DCC: variants seen among roughly 807,000 people sequenced by gnomAD.
The protein encoded by DCC is netrin receptor DCC.
DCC carries 58 observed loss-of-function variants against 172.5 expected under a neutral mutation model. The ratio of observed to expected loss-of-function variants is 0.34; its 90% CI spans 0.27 to 0.42. The LOEUF is 0.42. DCC is among the 10% of genes least tolerant of loss of function. The pLI is 1.00. For missense variants in DCC, 1,740 were observed against 1,791.0 expected, an observed-to-expected ratio of 0.97 and a Z score of 0.51; for synonymous variants, 709 against 644.5, an observed-to-expected ratio of 1.10 and a Z score of -1.52.
At chr18:53,262,874 T>C (rs1355888769) in intron 12 of DCC, among the ~76,000 whole-genome samples, 1 of 152,192 alleles carries the variant, frequency 6.6e-6, no homozygotes, top group Non-Finnish European at 1.5e-5. Context: ...TTTCATGATA[T>C]TTTCAGGAAA....
At chr18:53,078,945 C>T (rs1009305708) in intron 7 of DCC, among the ~76,000 whole-genome samples, 1 of 152,054 alleles carries the variant, frequency 6.6e-6, no homozygotes, top group Non-Finnish European at 1.5e-5. Flanking sequence ...TTCTTCAGGT[C>T]CAGTTCCTAT....
intron 1 of DCC, among the ~76,000 whole-genome samples, chr18:52,684,712 C>T (rs1290933544): frequency 6.6e-6 from 1 of 150,446 alleles, no homozygotes; most frequent in East Asian, 2.0e-4. Flanking sequence ...GCTGGACTGG[C>T]CTTTTACATA....
At chr18:52,820,294 C>T (rs139142382) in intron 2 of DCC, among the ~76,000 whole-genome samples, 1 of 152,106 alleles carries the variant, frequency 6.6e-6, no homozygotes, top group African/African-American at 2.4e-5. Flanking sequence ...GATGATTTTC[C>T]TCAAAAAGAA....
chr18:53,526,237 A>C (rs2046453674), intron 27 of DCC, among the ~76,000 whole-genome samples: 1 of 152,134 alleles, frequency 6.6e-6, no homozygotes, highest in Admixed American at 6.6e-5. Context: ...CTGCTATGCA[A>C]CTTAGGGCTC....
chr18:53,341,599 T>C (rs551875420), intron 15 of DCC, among the ~76,000 whole-genome samples: 30 of 152,326 alleles, frequency 2.0e-4, no homozygotes, highest in African/African-American at 7.2e-4. Context: ...GTTCTACTAG[T>C]TGATACTCTT....
chr18:53,013,045 GGC>G (rs2041753510), intron 5 of DCC, among the ~76,000 whole-genome samples: 2 of 152,122 alleles, frequency 1.3e-5, no homozygotes, highest in African/African-American at 4.8e-5. Flanking sequence ...CCGTTAGAAT[GGC>G]AATCATTAAA....
At chr18:53,348,369 T>C (rs904969600) in intron 15 of DCC, among the ~76,000 whole-genome samples, 4 of 152,206 alleles carry the variant, frequency 2.6e-5, no homozygotes, top group Non-Finnish European at 4.4e-5. Flanking sequence ...ATGCAAGACG[T>C]GGGTTCCCAT....
chr18:52,624,221 C>A (rs2034531003), intron 1 of DCC, among the ~76,000 whole-genome samples: 1 of 152,088 alleles, frequency 6.6e-6, no homozygotes, highest in Admixed American at 6.5e-5. Context: ...AGGCTTGCAT[C>A]CTATAATTAA....
chr18:52,838,980 T>C (rs1230997179), intron 2 of DCC, among the ~76,000 whole-genome samples: 2 of 152,164 alleles, frequency 1.3e-5, no homozygotes, highest in Admixed American at 1.3e-4. Context: ...ATCAATGTTA[T>C]TTTTATTTAG....
intron 1 of DCC, among the ~76,000 whole-genome samples, chr18:52,657,959 T>G (rs539973181): frequency 6.6e-6 from 1 of 152,332 alleles, no homozygotes; most frequent in Non-Finnish European, 1.5e-5. Flanking sequence ...TATCATCTCA[T>G]AATTCTACAC....
intron 22 of DCC, among the ~76,000 whole-genome samples, chr18:53,444,866 T>A (rs1484985460): frequency 6.6e-6 from 1 of 152,138 alleles, no homozygotes; most frequent in Non-Finnish European, 1.5e-5. Context: ...AACATCTACC[T>A]TTTTTTAGTA....
intron 24 of DCC, among the ~76,000 whole-genome samples, chr18:53,461,884 G>C (rs1002154328): frequency 6.6e-6 from 1 of 152,182 alleles, no homozygotes; most frequent in Non-Finnish European, 1.5e-5. Context: ...TCTAGGGACT[G>C]GGGGTCAGAA....
At chr18:53,300,994 T>TC (rs1450145755) in intron 12 of DCC, among the ~76,000 whole-genome samples, 1 of 134,610 alleles carries the variant, frequency 7.4e-6, no homozygotes, top group Non-Finnish European at 1.6e-5. Flanking sequence ...TCTTTCTTTT[T>TC]TTTTCTTTTC....
rs1167426813 is a variant in DCC, at chr18:52,655,990, ATATATATGTGCG to A, written c.92-96056_92-96045del. ...TGTGTGTGTGTGTGTGTGTGTGTAT[ATATATATGTGCG>A]TATATATATATGTGTGTATATATAT... On this transcript the variant is annotated intron_variant, in intron 1 of 28. Coordinates refer to ENST00000442544, the MANE Select transcript of DCC (RefSeq NM_005215.4). Among the ~76,000 whole-genome samples, 75 of 145,250 alleles carry A rather than the reference ATATATATGTGCG, an allele frequency of 5.2e-4. 1 individual carries two copies. The highest frequency in any genetic ancestry group is 1.6e-3 in the African/African-American group (62 of 37,782).
intron 5 of DCC, chr18:52,934,967 G>C (rs1254423492): frequency 6.6e-6 from 1 of 152,124 alleles, no homozygotes; most frequent in African/African-American, 2.4e-5. Context: ...CCAGTCTGTT[G>C]TATTTTGTTA....
rs530799515 is a variant in DCC at position 52,902,968 on chromosome 18, T to C, written c.413-3076T>C. Among the ~76,000 whole-genome samples, 14 of 152,334 alleles carry C rather than the reference T, an allele frequency of 9.2e-5. 1 individual carries two copies. The South Asian group carries it at 2.7e-3, about 29-fold the overall frequency. On this transcript the variant is annotated intron_variant, in intron 2 of 28. Transcript: ENST00000442544. ...CCTGGCTTGTTAAGATCTGAAATCA[T>C]CACAGAGTGCATGCAATTCTATTAG...
chr18:53,026,281 C>T (rs1369983467), intron 5 of DCC, among the ~76,000 whole-genome samples: 1 of 151,900 alleles, frequency 6.6e-6, no homozygotes, highest in Non-Finnish European at 1.5e-5. Flanking sequence ...AATGTTGTTT[C>T]TTTCTTTTCT....
intron 1 of DCC, among the ~76,000 whole-genome samples, chr18:52,646,929 T>C (rs1165788696): frequency 6.6e-6 from 1 of 152,132 alleles, no homozygotes; most frequent in Non-Finnish European, 1.5e-5. Context: ...CCTAAGTCTA[T>C]TTAGGAGGCC....
At chr18:52,621,028 T>C (rs2034470128) in intron 1 of DCC, among the ~76,000 whole-genome samples, 1 of 152,192 alleles carries the variant, frequency 6.6e-6, no homozygotes, top group South Asian at 2.1e-4. Context: ...GATGGAGAAA[T>C]AGCCACTCTG....
Sources: allele counts gnomAD v4.1 joint callset (sites outside exome capture counted in the v4.1 genomes callset), GRCh38; gene constraint gnomAD v4.1.1; transcripts MANE v1.5; gene names NCBI Gene and HGNC (gene_info 2026-07-23, HGNC 2026-07-21).